The following HIPK3 variants were observed in gnomAD, a reference collection of about 807,000 sequenced individuals.
HIPK3 encodes the protein homeodomain-interacting protein kinase 3.
HIPK3 carries 47 observed loss-of-function variants against 124.2 expected under a neutral mutation model. The ratio of observed to expected loss-of-function variants is 0.38; its 90% CI spans 0.30 to 0.48. HIPK3 has a LOEUF of 0.48. HIPK3 is among the 20% of genes least tolerant of loss of function. The pLI, the probability that HIPK3 is intolerant of heterozygous loss-of-function variation, is 0.98. For missense variants in HIPK3, 1,286 were observed against 1,454.3 expected (o/e 0.88, Z 1.88); for synonymous variants, 482 against 515.2 (o/e 0.94, Z 0.87).
intron 2 of HIPK3, among the ~76,000 whole-genome samples, chr11:33,322,890 C>T (rs1470658486): frequency 2.6e-5 from 4 of 152,180 alleles, no homozygotes; most frequent in Non-Finnish European, 5.9e-5. Flanking sequence ...CCATCAAAGG[C>T]ATTTTCTTCC....
intron 1 of HIPK3, among the ~76,000 whole-genome samples, chr11:33,264,847 T>C (rs1850913502): frequency 6.6e-6 from 1 of 152,222 alleles, no homozygotes. Flanking sequence ...ACCCTATAAA[T>C]TGGCATATAA....
chr11:33,306,573 A>G (rs992265748), intron 2 of HIPK3, among the ~76,000 whole-genome samples: 2 of 152,202 alleles, frequency 1.3e-5, no homozygotes, highest in African/African-American at 4.8e-5. Flanking sequence ...TCACAGGCTT[A>G]TAATTTTAGT....
At chr11:33,290,055 G>A (rs1286216855) in intron 2 of HIPK3, among the ~76,000 whole-genome samples, 1 of 152,104 alleles carries the variant, frequency 6.6e-6, no homozygotes, top group African/African-American at 2.4e-5. Flanking sequence ...TTCATCTGTT[G>A]ATGGGACACT....
At chr11:33,295,793 G>T (rs931332302) in intron 2 of HIPK3, among the ~76,000 whole-genome samples, 1 of 152,216 alleles carries the variant, frequency 6.6e-6, no homozygotes, top group African/African-American at 2.4e-5. Context: ...ATGTCAATTT[G>T]TCCCATTATT....
At chr11:33,274,838 T>C (rs989141874) in intron 1 of HIPK3, among the ~76,000 whole-genome samples, 3 of 152,216 alleles carry the variant, frequency 2.0e-5, no homozygotes, top group African/African-American at 7.2e-5. Context: ...AACATTTTGC[T>C]AAGTCAGATG....
intron 2 of HIPK3, among the ~76,000 whole-genome samples, chr11:33,295,120 G>C (rs757763688): frequency 2.0e-5 from 3 of 152,076 alleles, no homozygotes; most frequent in Non-Finnish European, 2.9e-5. Context: ...CGAACCCGTA[G>C]AAAGTGAAAG....
rs190493438 is a variant in HIPK3 at position 33,308,246 on chromosome 11, C to T, written c.1098-20264C>T. On this transcript the variant is annotated intron_variant, in intron 2 of 16. Coordinates refer to ENST00000303296, the MANE Select transcript of HIPK3 (RefSeq NM_005734.5). ...TCATATGTGTGGGTCTGTTTTTGGA[C>T]TCTTTATTCATCATTTTGACTGTTC... Among the ~76,000 whole-genome samples, 37 of 152,200 alleles carry T rather than the reference C, an allele frequency of 2.4e-4. 1 individual carries two copies. Among genetic ancestry groups the T allele is most frequent in the Admixed American group, 1.8e-3 (28 of 15,270 alleles).
rs1218049533 is a variant in HIPK3, at chr11:33,353,644, T to C, written c.*76T>C. The C allele has an allele frequency of 9.0e-6, 9 of 1,002,588 alleles. No individual in the cohort carries two copies. The highest frequency in any genetic ancestry group is 4.2e-5 in the Admixed American group (2 of 47,192). 62.1% of individuals were successfully genotyped at this position (1,002,588 alleles called of 1,614,324 possible). A position where few individuals can be genotyped will look rare whatever the true frequency, so the allele number is the denominator to read the frequency against. On this transcript the variant is annotated 3_prime_UTR_variant, in exon 17 of 17. Transcript: ENST00000303296. ...AAAACATGGTATTTAATATTAGCCA[T>C]GGCACAAGAAAATTATTTTTGAATC... is the stretch of plus-strand genomic sequence containing the variant.
Position 33,257,499 on chromosome 11 carries a change from T to C in HIPK3, c.-393T>C. ...TCCTTCTCCGCTCCCGGCCGGGGCG[T>C]CAGGAATGGGCCCCAATCGCCGTGG... On this transcript the variant is annotated 5_prime_UTR_variant, in exon 1 of 17. Transcript: ENST00000303296. 2 of 985,508 alleles carry C rather than the reference T, an allele frequency of 2.0e-6. No homozygotes were observed. Among genetic ancestry groups the C allele is most frequent in the Non-Finnish European group, 2.4e-6 (2 of 830,270 alleles). 61.0% of individuals were successfully genotyped at this position (985,508 alleles called of 1,614,324 possible).
At chr11:33,293,705 G>C (rs2069097895) in intron 2 of HIPK3, among the ~76,000 whole-genome samples, 2 of 152,112 alleles carry the variant, frequency 1.3e-5, no homozygotes, top group South Asian at 4.1e-4. Flanking sequence ...TCAATGAAAA[G>C]ATATGTGAAT....
intron 3 of HIPK3, among the ~76,000 whole-genome samples, chr11:33,333,266 A>G (rs1301049237): frequency 6.6e-6 from 1 of 152,184 alleles, no homozygotes; most frequent in Non-Finnish European, 1.5e-5. Context: ...AGAGGAATTA[A>G]CAGATGTTGG....
intron 1 of HIPK3, among the ~76,000 whole-genome samples, chr11:33,273,198 GT>G (rs1425758158): frequency 6.6e-6 from 1 of 152,092 alleles, no homozygotes; most frequent in African/African-American, 2.4e-5. Context: ...ATTAAAAAGA[GT>G]ATTTCCACAT....
chr11:33,324,147 A>G (rs1315291458), intron 2 of HIPK3, among the ~76,000 whole-genome samples: 4 of 152,228 alleles, frequency 2.6e-5, no homozygotes, highest in Non-Finnish European at 5.9e-5. Context: ...TATTTAGCCC[A>G]TGGGAGGAAT....
intron 1 of HIPK3, among the ~76,000 whole-genome samples, chr11:33,272,976 A>G (rs982991650): frequency 1.3e-5 from 2 of 151,072 alleles, no homozygotes; most frequent in Non-Finnish European, 2.9e-5. Context: ...CTGGGACTAT[A>G]GGTGTGTGTC....
Position 33,286,391 on chromosome 11 carries a change from CTTTTTTT to C in HIPK3, c.-2-11_-2-5del, listed in dbSNP as rs34512764. The stretch of plus-strand genomic sequence containing the variant: ...TTCTTCTTTCCTTTTTTTTCTTTTC[CTTTTTTT>C]TTTTTTTTTTGCAGGTATGGCCTCA... On this transcript the variant is annotated splice_polypyrimidine_tract_variant and intron_variant, in intron 1 of 16. Transcript: ENST00000303296. 1.4e-5 allele frequency: 16 copies of C among 1,163,584 alleles called. No homozygotes were observed. Among genetic ancestry groups the C allele is most frequent in the South Asian group, 5.9e-5 (2 of 34,048 alleles). The allele number at this position is 1,163,584 out of a possible 1,614,324, so 72.1% of individuals were successfully genotyped here.
intron 1 of HIPK3, among the ~76,000 whole-genome samples, chr11:33,260,655 TGTA>T (rs1850796020): frequency 6.6e-6 from 1 of 152,216 alleles, no homozygotes; most frequent in African/African-American, 2.4e-5. Context: ...GGCATAAAAA[TGTA>T]GTTCCCATTG....
intron 8 of HIPK3, among the ~76,000 whole-genome samples, chr11:33,342,233 G>A (rs749543260): frequency 7.9e-5 from 12 of 151,588 alleles, no homozygotes; most frequent in Non-Finnish European, 1.2e-4. Flanking sequence ...TGTATTTCCT[G>A]TAGAGTCTAG....
At position 33,332,123 on chromosome 11, in the gene HIPK3, C is replaced by A. The variant is rs113810022; in HGVS notation, c.1221+3490C>A. 2.4e-3 allele frequency among the ~76,000 whole-genome samples: 371 copies of A among 152,296 alleles called. 1 individual carries two copies. Among genetic ancestry groups the A allele is most frequent in the African/African-American group, 8.4e-3 (348 of 41,556 alleles). ...GAAAAATATTCAAAGTATTTTAATT[C>A]TTCATTATAGGGTTTGTGTTCTAGC... On this transcript the variant is annotated intron_variant, in intron 3 of 16. Transcript: ENST00000303296.
chr11:33,339,211 GTTC>G (rs759588368), intron 5 of HIPK3, 136 bp from the exon 6 acceptor site: 10 of 587,258 alleles, frequency 1.7e-5, no homozygotes, highest in South Asian at 2.8e-5. Flanking sequence ...AATATTATTT[GTTC>G]TTCTTTGTTT....
Sources: gnomAD v4.1 joint callset for allele counts (sites outside exome capture counted in the v4.1 genomes callset) on GRCh38, gnomAD v4.1.1 for gene constraint, MANE v1.5 for transcripts, NCBI Gene and HGNC (gene_info 2026-07-23, HGNC 2026-07-21) for gene names.